The following JAK1 variants were observed in gnomAD, a reference collection of about 807,000 sequenced individuals.
JAK1 encodes the protein Janus kinase 1.
Under a neutral mutation model 136.6 loss-of-function variants are expected in JAK1, and 16 were observed. The observed-to-expected ratio is 0.12, with a 90% confidence interval of 0.08 to 0.18. The LOEUF is 0.18. JAK1 is among the 10% of genes least tolerant of loss of function. The probability of loss-of-function intolerance (pLI) is 1.00; values close to 1 mark genes in which losing one functional copy is unlikely to be tolerated. For synonymous variants in JAK1, 492 were observed against 519.5 expected, an observed-to-expected ratio of 0.95 and a Z score of 0.72; for missense variants, 859 against 1,450.1, an observed-to-expected ratio of 0.59 and a Z score of 6.62.
chr1:64,867,092 G>C lies in JAK1; in HGVS notation c.764C>G (p.Thr255Ser). Residue 255 changes from threonine to serine, a missense_variant, in exon 7 of 25, where the codon ACC becomes AGC. Thr to Ser is a moderately conservative substitution (Grantham distance 58). Transcript: ENST00000342505. ...KDFLKEFNNK[T>S]ICDSSVSTHD... Reference sequence around the variant, plus strand: ...CGTGGACACGCTGCTGTCACAAATGGTCTTGTTGTTAAATTCCTTTAGGAA... The same window carrying C: ...CGTGGACACGCTGCTGTCACAAATGCTCTTGTTGTTAAATTCCTTTAGGAA... 1 of 1,614,066 alleles carries C rather than the reference G, an allele frequency of 6.2e-7. No individual in the cohort carries two copies. The highest frequency in any genetic ancestry group is 8.5e-7 in the Non-Finnish European group (1 of 1,179,908).
intron 1 of JAK1, among the ~76,000 whole-genome samples, chr1:64,928,999 A>G (rs1645641814): frequency 6.6e-6 from 1 of 152,152 alleles, no homozygotes; most frequent in African/African-American, 2.4e-5. Context: ...TTATATTAGT[A>G]TCTTGTAAAT....
intron 2 of JAK1, chr1:64,972,935 A>G (rs1385218037): frequency 1.3e-5 from 2 of 152,356 alleles, no homozygotes; most frequent in African/African-American, 4.8e-5. Flanking sequence ...CCTGGGCAAC[A>G]TAGGGAGACC....
chr1:65,035,923 C>A (rs551412666), intron 2 of JAK1, among the ~76,000 whole-genome samples: 69 of 152,132 alleles, frequency 4.5e-4, no homozygotes, highest in African/African-American at 1.6e-3. Flanking sequence ...AAAAAATTAT[C>A]CGGGTGTGGT....
At position 64,887,824 on chromosome 1, in the gene JAK1, T is replaced by C. The variant is rs948963117; in HGVS notation, c.-77-1483A>G. Among the ~76,000 whole-genome samples the C allele has an allele frequency of 6.6e-5, 10 of 152,182 alleles. No individual in the cohort carries two copies. In the South Asian group the frequency reaches 8.3e-4, roughly 13 times the overall value. On this transcript the variant is annotated intron_variant, in intron 1 of 24. Transcript: ENST00000342505. ...TCAGCATGTGTGGGGAAAAAGGTCCTATAGCAGAAAGGAGCTAGGCTTGTC... is the reference window on the plus strand; with the variant it reads ...TCAGCATGTGTGGGGAAAAAGGTCCCATAGCAGAAAGGAGCTAGGCTTGTC...
At chr1:65,059,561 T>C (rs187816339) in intron 1 of JAK1, among the ~76,000 whole-genome samples, 57 of 152,298 alleles carry the variant, frequency 3.7e-4, no homozygotes, top group African/African-American at 1.1e-3. Context: ...AAAGTAATAA[T>C]AACATATACA....
At chr1:65,052,699 A>T (rs1282743341) in intron 1 of JAK1, among the ~76,000 whole-genome samples, 3 of 151,934 alleles carry the variant, frequency 2.0e-5, no homozygotes, top group Non-Finnish European at 4.4e-5. Flanking sequence ...CTGTAGTTCC[A>T]GCTACTTGGG....
At chr1:64,852,157 G>A (rs1655640987) in intron 11 of JAK1, among the ~76,000 whole-genome samples, 1 of 152,242 alleles carries the variant, frequency 6.6e-6, no homozygotes, top group Non-Finnish European at 1.5e-5. Flanking sequence ...GGTGTTCTAT[G>A]AGCATTATAC....
chr1:64,949,761 A>C (rs1646048925), intron 1 of JAK1, among the ~76,000 whole-genome samples: 1 of 152,218 alleles, frequency 6.6e-6, no homozygotes. Flanking sequence ...AAGGTCATAA[A>C]ATTGGTTATA....
In JAK1 at chr1:64,866,990, G is replaced by C; in HGVS notation, c.866C>G (p.Ser289Cys). 6.2e-7 allele frequency: 1 copy of C among 1,614,202 alleles called. No individual in the cohort carries two copies. The highest frequency in any genetic ancestry group is 2.2e-5 in the East Asian group (1 of 44,884). ...KHYGAEIFET[S>C]MLLISSENEM... is the part of the protein sequence containing the mutation. ...ATTTTCTGATGAAATCAGTAACATG[G>C]AAGTCTCAAATATTTCAGCACCGTA... is the stretch of plus-strand genomic sequence containing the variant. Residue 289 changes from serine to cysteine, a missense_variant, in exon 7 of 25, where the codon TCC becomes TGC. Physicochemically the swap from Ser to Cys is moderately radical, Grantham distance 112. Transcript: ENST00000342505.
At chr1:64,941,700 A>G in intron 1 of JAK1, among the ~76,000 whole-genome samples, 1 of 152,230 alleles carries the variant, frequency 6.6e-6, no homozygotes, top group East Asian at 1.9e-4. Context: ...AGCACATGAC[A>G]TGACTAAACC....
chr1:65,041,690 T>C (rs572561956), intron 2 of JAK1, among the ~76,000 whole-genome samples: 2 of 152,282 alleles, frequency 1.3e-5, no homozygotes, highest in South Asian at 2.1e-4. Flanking sequence ...CAAATACTTA[T>C]ACTATATATA....
chr1:64,937,063 T>C (rs1303457509), intron 1 of JAK1, among the ~76,000 whole-genome samples: 1 of 151,948 alleles, frequency 6.6e-6, no homozygotes, highest in African/African-American at 2.4e-5. Context: ...GATCAACTAT[T>C]TGTATGGGGC....
intron 2 of JAK1, among the ~76,000 whole-genome samples, chr1:65,011,066 A>C (rs1002957666): frequency 6.6e-6 from 1 of 152,034 alleles, no homozygotes; most frequent in African/African-American, 2.4e-5. Flanking sequence ...TTTCTTTTTC[A>C]TTTTCATGTA....
chr1:65,033,328 T>A (rs1190274362), intron 2 of JAK1, among the ~76,000 whole-genome samples: 1 of 151,808 alleles, frequency 6.6e-6, no homozygotes, highest in African/African-American at 2.4e-5. Context: ...AAATAATAAA[T>A]TTTTTTTAAA....
At position 64,833,567 on chromosome 1, in the gene JAK1, C is replaced by G. The variant is rs533016185; in HGVS notation, c.*995G>C. 4.3e-6 allele frequency: 1 copy of G among 232,812 alleles called. No homozygotes were observed. The highest frequency in any genetic ancestry group is 2.2e-5 in the African/African-American group (1 of 45,286). 14.4% of individuals were successfully genotyped at this position (232,812 alleles called of 1,614,324 possible). ...TCCTGAAGTCCATAGTGCCTCTAGC[C>G]GGGTCTTTCAAGTGTTGCACCACAG... On this transcript the variant is annotated 3_prime_UTR_variant, in exon 25 of 25. Transcript: ENST00000342505.
At chr1:64,966,556 T>G (rs1557733467), upstream of JAK1, 4 of 148,494 alleles carry the variant, frequency 2.7e-5, no homozygotes, top group African/African-American at 9.9e-5. Context: ...ACGCACCGCC[T>G]CCCGTCCCGC....
At chr1:64,866,537 T>C (rs900487699) in intron 7 of JAK1, among the ~76,000 whole-genome samples, 3 of 152,224 alleles carry the variant, frequency 2.0e-5, no homozygotes, top group African/African-American at 7.2e-5. Context: ...CCCTCAAAGG[T>C]TTTTTTATTT....
chr1:64,928,787 A>AAAAAAAAAAAAAAAAAAAC (rs1645631562), intron 1 of JAK1, among the ~76,000 whole-genome samples: 1 of 92,592 alleles, frequency 1.1e-5, no homozygotes, highest in Non-Finnish European at 1.9e-5. Flanking sequence ...GCAAAAAAAA[A>AAAAAAAAAAAAAAAAAAAC]AAAAAAAAAC....
chr1:64,953,115 G>C (rs904151470), intron 1 of JAK1, among the ~76,000 whole-genome samples: 1 of 152,138 alleles, frequency 6.6e-6, no homozygotes, highest in Non-Finnish European at 1.5e-5. Context: ...TTCATAACTT[G>C]AATAATATTT....
Sources: allele counts gnomAD v4.1 joint callset (sites outside exome capture counted in the v4.1 genomes callset), GRCh38; gene constraint gnomAD v4.1.1; transcripts MANE v1.5; gene names NCBI Gene and HGNC (gene_info 2026-07-23, HGNC 2026-07-21).